Variants in KDM2A observed in about 807,000 individuals in gnomAD.
The protein encoded by KDM2A is lysine-specific demethylase 2A.
Under a neutral mutation model 137.3 loss-of-function variants are expected in KDM2A, and 3 were observed. The ratio of observed to expected loss-of-function variants is 0.02; its 90% CI spans 0.01 to 0.06. The LOEUF (loss-of-function observed/expected upper bound fraction) is 0.06. Among genes scored for constraint, KDM2A ranks in the 10% least tolerant of loss-of-function variants. The probability of loss-of-function intolerance (pLI) is 1.00; values close to 1 mark genes in which losing one functional copy is unlikely to be tolerated. For synonymous variants in KDM2A, 512 were observed against 541.5 expected, an observed-to-expected ratio of 0.95 and a Z score of 0.76; for missense variants, 738 against 1,510.6, an observed-to-expected ratio of 0.49 and a Z score of 8.48.
rs1859590945 is a variant in KDM2A at position 67,255,887 on chromosome 11, C to CT, written c.*836dup. Reference sequence around the variant, plus strand: ...TCTCTTTTGCCTCCCACTGACTGCCCTTTTCCATGTGTCTTCATTCTGCCT... The same window carrying CT: ...TCTCTTTTGCCTCCCACTGACTGCCCTTTTTCCATGTGTCTTCATTCTGCCT... On this transcript the variant is annotated 3_prime_UTR_variant, in exon 21 of 21. Coordinates refer to ENST00000529006, the MANE Select transcript of KDM2A (RefSeq NM_012308.3). The CT allele has an allele frequency of 7.8e-6, 2 of 255,788 alleles. No individual in the cohort carries two copies. Among genetic ancestry groups the CT allele is most frequent in the Admixed American group, 1.0e-4 (2 of 19,974 alleles). 15.8% of individuals were successfully genotyped at this position (255,788 alleles called of 1,614,324 possible).
chr11:67,229,875 G>GA (rs1047618347), intron 11 of KDM2A, among the ~76,000 whole-genome samples: 29 of 122,728 alleles, frequency 2.4e-4, no homozygotes, highest in South Asian at 1.3e-3. Flanking sequence ...GTCTCAAAAA[G>GA]AAAAAAAAAA....
intron 2 of KDM2A, among the ~76,000 whole-genome samples, chr11:67,168,592 C>T (rs71462368): frequency 0.096 from 3,433 of 35,922 alleles, 1,227 homozygotes; most frequent in African/African-American, 0.13. Flanking sequence ...TACACACACA[C>T]ACACACACAC....
At chr11:67,218,940 ATTC>A (rs1371987954) in intron 9 of KDM2A, among the ~76,000 whole-genome samples, 4 of 152,144 alleles carry the variant, frequency 2.6e-5, no homozygotes, top group African/African-American at 7.2e-5. Context: ...TGCCCAAGCA[ATTC>A]TTCTTCCAGT....
chr11:67,191,834 G>A (rs1384327265), intron 5 of KDM2A, among the ~76,000 whole-genome samples: 1 of 152,162 alleles, frequency 6.6e-6, no homozygotes, highest in Non-Finnish European at 1.5e-5. Flanking sequence ...AGTCCTAACA[G>A]AGCAATTAGG....
rs371106512 is a variant in KDM2A at position 67,140,350 on chromosome 11, A to C, written c.42+18992A>C. Among the ~76,000 whole-genome samples the C allele has an allele frequency of 1.9e-3, 290 of 152,054 alleles. 3 individuals carry two copies. In the South Asian group the frequency reaches 0.028, roughly 15 times the overall value. ...CACTGCACTCCATCCTGGGTGACAGAGTGAGATCTTGTCTCAAAAAAAAAA... is the reference window on the plus strand; with the variant it reads ...CACTGCACTCCATCCTGGGTGACAGCGTGAGATCTTGTCTCAAAAAAAAAA... On this transcript the variant is annotated intron_variant, in intron 2 of 20. Transcript: ENST00000529006.
At chr11:67,197,556 C>A (rs977605056) in intron 5 of KDM2A, among the ~76,000 whole-genome samples, 3 of 152,126 alleles carry the variant, frequency 2.0e-5, no homozygotes, top group South Asian at 2.1e-4. Flanking sequence ...TGGCAAAATG[C>A]AGTGAAAAAG....
chr11:67,207,406 TAAGA>T (rs1356288269), intron 5 of KDM2A, 100 bp from the exon 6 acceptor site: 2 of 843,900 alleles, frequency 2.4e-6, no homozygotes, highest in African/African-American at 1.7e-5. Flanking sequence ...TTATTGAAAA[TAAGA>T]AAGGACAGTA....
chr11:67,245,019 C>G lies in KDM2A; in HGVS notation c.1564-170C>G. The G allele has an allele frequency of 1.7e-6, 1 of 600,076 alleles. No individual in the cohort carries two copies. The highest frequency in any genetic ancestry group is 2.0e-5 in the South Asian group (1 of 51,050). 37.2% of individuals were successfully genotyped at this position (600,076 alleles called of 1,614,324 possible). A position where few individuals can be genotyped will look rare whatever the true frequency, so the allele number is the denominator to read the frequency against. On this transcript the variant is annotated intron_variant, in intron 13 of 20. Coordinates refer to ENST00000529006, the MANE Select transcript of KDM2A (RefSeq NM_012308.3). This position sits in a 1 kb window ranked among gnomAD's most constrained non-coding sequence, Gnocchi z 4.1. The stretch of plus-strand genomic sequence containing the variant: ...AAAAAAAAAGCAGCCATTGATAATA[C>G]ATACACAAGATGAGTTGTGTGTCAA...
intron 5 of KDM2A, among the ~76,000 whole-genome samples, chr11:67,203,445 ATATAAT>A (rs949990397): frequency 5.8e-5 from 4 of 68,484 alleles, no homozygotes; most frequent in Admixed American, 2.1e-4. Flanking sequence ...TAATATATTA[ATATAAT>A]TATATTTATT....
In KDM2A at chr11:67,185,776, T is replaced by C. The variant is rs964516907; in HGVS notation, c.307+3884T>C. On this transcript the variant is annotated intron_variant, in intron 5 of 20. Coordinates refer to ENST00000529006, the MANE Select transcript of KDM2A (RefSeq NM_012308.3). ...CTCATGGGTGGGATTGGTGCTGTTA[T>C]AAAAGCATGAGTTCGGCCCCTTCGT... Among the ~76,000 whole-genome samples, 89 of 152,224 alleles carry C rather than the reference T, an allele frequency of 5.8e-4. 1 individual carries two copies. The highest frequency in any genetic ancestry group is 2.0e-3 in the African/African-American group (83 of 41,542).
chr11:67,216,023 A>C (rs1337481142), intron 8 of KDM2A, 74 bp downstream of exon 8: 2 of 1,044,108 alleles, frequency 1.9e-6, no homozygotes, highest in African/African-American at 3.1e-5. Flanking sequence ...ATGTATACTT[A>C]ATATACCCTG....
At position 67,254,932 on chromosome 11, in the gene KDM2A, C is replaced by G. The variant is rs1165167658; in HGVS notation, c.3366C>G (p.Thr1122=). The G allele has an allele frequency of 6.2e-7, 1 of 1,613,912 alleles. No homozygotes were observed. Among genetic ancestry groups the G allele is most frequent in the African/African-American group, 1.3e-5 (1 of 74,942 alleles). ...ACCTACGGCGCATTGCCAACGTCAC[C>G]TTGATCGACCTTCGAGGATGCAAGC... ...LIYLRRIANV[T]LIDLRGCKQI... is the part of the protein sequence containing the mutation. The change falls in exon 21 of 21, where the codon ACC becomes ACG. Residue 1122 remains threonine (T), a synonymous_variant. Coordinates refer to ENST00000529006, the MANE Select transcript of KDM2A (RefSeq NM_012308.3). The surrounding 1 kb of genome is among the most constrained non-coding windows in gnomAD (Gnocchi z 4.7).
intron 5 of KDM2A, among the ~76,000 whole-genome samples, chr11:67,193,846 G>C (rs1857414447): frequency 6.6e-6 from 1 of 152,170 alleles, no homozygotes; most frequent in Non-Finnish European, 1.5e-5. Context: ...GGGCAACAGA[G>C]TGAGACCCCA....
At chr11:67,244,859 A>G (rs1221861476) in intron 13 of KDM2A, among the ~76,000 whole-genome samples, 1 of 151,924 alleles carries the variant, frequency 6.6e-6, no homozygotes. Flanking sequence ...GGTGGTGGGC[A>G]CCTGTAGTCC....
At chr11:67,127,472 AAAAAAAT>A (rs1250325539) in intron 2 of KDM2A, among the ~76,000 whole-genome samples, 2 of 152,108 alleles carry the variant, frequency 1.3e-5, no homozygotes, top group African/African-American at 2.4e-5. Context: ...CACCTAGCAA[AAAAAAAT>A]AAAAAATAAG....
intron 2 of KDM2A, among the ~76,000 whole-genome samples, chr11:67,129,685 G>A (rs1432709668): frequency 4.1e-5 from 6 of 145,554 alleles, no homozygotes; most frequent in African/African-American, 1.5e-4. Flanking sequence ...AGTGAGCCCA[G>A]ATCACGCCAC....
chr11:67,196,014 T>C lies in KDM2A; in HGVS notation c.308-11496T>C, dbSNP rs557590295. 7.2e-6 allele frequency: 3 copies of C among 415,732 alleles called. No individual in the cohort carries two copies. The East Asian group carries it at 1.9e-4, about 26-fold the overall frequency. The allele number at this position is 415,732 out of a possible 1,614,324, so 25.8% of individuals were successfully genotyped here. On this transcript the variant is annotated intron_variant, in intron 5 of 20. Coordinates refer to ENST00000529006, the MANE Select transcript of KDM2A (RefSeq NM_012308.3). ...CAAACTTATCTCAGAACCACAAGAA[T>C]TGCTAAATTTCTCTCACTTAGATGT... is the stretch of plus-strand genomic sequence containing the variant.
Position 67,231,692 on chromosome 11 carries a change from A to T in KDM2A, c.1211A>T (p.Tyr404Phe). 6.2e-7 allele frequency: 1 copy of T among 1,613,980 alleles called. No homozygotes were observed. Among genetic ancestry groups the T allele is most frequent in the Non-Finnish European group, 8.5e-7 (1 of 1,179,876 alleles). Residue 404 changes from tyrosine (Y) to phenylalanine (F), a missense_variant, in exon 12 of 21, where the codon TAT becomes TTT. Coordinates refer to ENST00000529006, the MANE Select transcript of KDM2A (RefSeq NM_012308.3). Reference protein sequence around the residue: ...SPVANGVNLDYDGLGKTCRSL... With the variant: ...SPVANGVNLDFDGLGKTCRSL... ...GTAGCGAATGGAGTCAACCTGGATT[A>T]TGATGGACTGGGCAAAACCTGCCGA... is the stretch of plus-strand genomic sequence containing the variant.
chr11:67,125,467 A>G (rs1053492919), intron 2 of KDM2A, among the ~76,000 whole-genome samples: 3 of 151,934 alleles, frequency 2.0e-5, no homozygotes, highest in Non-Finnish European at 4.4e-5. Flanking sequence ...GGGGGAAAAA[A>G]AAATCAGAAA....
Sources: allele counts gnomAD v4.1 joint callset (sites outside exome capture counted in the v4.1 genomes callset), GRCh38; gene constraint gnomAD v4.1.1; non-coding constraint Gnocchi (gnomAD v3.1); transcripts MANE v1.5; gene names NCBI Gene and HGNC (gene_info 2026-07-23, HGNC 2026-07-21).